The following IKZF3 variants were observed in gnomAD, a reference collection of about 807,000 sequenced individuals.
IKZF3 encodes zinc finger protein Aiolos.
In IKZF3, 10 loss-of-function variants were observed where a neutral mutation model predicts 49.0. The observed-to-expected ratio is 0.20, with a 90% CI of 0.13 to 0.35. IKZF3 has a LOEUF of 0.35. Ranked by LOEUF, IKZF3 falls within the 10% of genes least tolerant of loss-of-function variation. IKZF3 has a pLI of 1.00. For synonymous variants in IKZF3, 209 were observed against 228.2 expected (o/e 0.92, Z 0.76); for missense variants, 498 against 664.8 (o/e 0.75, Z 2.76).
chr17:39,784,618 G>A lies in IKZF3; in HGVS notation c.709+3640C>T, dbSNP rs762275413. Among the ~76,000 whole-genome samples, 33 of 152,104 alleles carry A rather than the reference G, an allele frequency of 2.2e-4. 1 individual carries two copies. Among genetic ancestry groups the A allele is most frequent in the Admixed American group, 1.3e-4 (2 of 15,276 alleles). On this transcript the variant is annotated intron_variant, in intron 6 of 7. Transcript: ENST00000346872. Reference sequence around the variant, plus strand: ...GGGGTTTCAACATGTTGGCCAAGATGGTCTCCATCTCTTGACCTTGTGATC... The same window carrying A: ...GGGGTTTCAACATGTTGGCCAAGATAGTCTCCATCTCTTGACCTTGTGATC...
chr17:39,828,093 G>C (rs140658428), intron 3 of IKZF3, among the ~76,000 whole-genome samples: 41 of 152,278 alleles, frequency 2.7e-4, no homozygotes, highest in African/African-American at 9.4e-4. Context: ...ACCAGATGCA[G>C]TGGTTGCAAT....
At chr17:39,818,592 G>A (rs2061730553) in intron 3 of IKZF3, among the ~76,000 whole-genome samples, 1 of 152,180 alleles carries the variant, frequency 6.6e-6, no homozygotes, top group African/African-American at 2.4e-5. Context: ...CAGGAGTGGT[G>A]TAATCCTAGC....
intron 1 of IKZF3, among the ~76,000 whole-genome samples, chr17:39,850,689 T>TTA (rs979004912): frequency 1.8e-5 from 2 of 109,974 alleles, no homozygotes; most frequent in Admixed American, 1.8e-4. Flanking sequence ...TATACACATA[T>TTA]TATATATACA....
At chr17:39,813,057 G>A (rs765354408) in intron 3 of IKZF3, among the ~76,000 whole-genome samples, 18 of 151,784 alleles carry the variant, frequency 1.2e-4, no homozygotes, top group Non-Finnish European at 2.2e-4. Context: ...AGCCCAGTTC[G>A]CACCACTGCA....
At chr17:39,858,165 T>A (rs555819128) in intron 1 of IKZF3, among the ~76,000 whole-genome samples, 31 of 152,236 alleles carry the variant, frequency 2.0e-4, no homozygotes, top group Non-Finnish European at 3.5e-4. Flanking sequence ...ATTTTAAAAG[T>A]TTCCTTCATT....
chr17:39,857,455 G>T (rs1485970156), intron 1 of IKZF3, among the ~76,000 whole-genome samples: 1 of 152,114 alleles, frequency 6.6e-6, no homozygotes, highest in African/African-American at 2.4e-5. Flanking sequence ...GTGAAGAAAA[G>T]GTTTATAGTG....
At chr17:39,805,169 A>G (rs929749432) in intron 3 of IKZF3, among the ~76,000 whole-genome samples, 2 of 152,208 alleles carry the variant, frequency 1.3e-5, no homozygotes. Flanking sequence ...ATCAACATTT[A>G]GCACTGATAC....
At chr17:39,775,662 C>G (rs1283490145) in intron 7 of IKZF3, among the ~76,000 whole-genome samples, 1 of 152,172 alleles carries the variant, frequency 6.6e-6, no homozygotes. Flanking sequence ...CAGTGGCTCA[C>G]GCCTGTAATC....
chr17:39,810,633 A>C (rs76035022), intron 3 of IKZF3, among the ~76,000 whole-genome samples: 1 of 150,686 alleles, frequency 6.6e-6, no homozygotes, highest in Non-Finnish European at 1.5e-5. Flanking sequence ...AAAAAAAAAA[A>C]CCCAATAAAA....
chr17:39,774,073 C>G (rs2060513200), intron 7 of IKZF3, among the ~76,000 whole-genome samples: 1 of 152,138 alleles, frequency 6.6e-6, no homozygotes, highest in Non-Finnish European at 1.5e-5. Context: ...TCCAATCTGT[C>G]CCTCTTCCCC....
rs1165444594 is a variant in IKZF3, at chr17:39,781,052, C to T, written c.710-3285G>A. Among the ~76,000 whole-genome samples, 54 of 152,128 alleles carry T rather than the reference C, an allele frequency of 3.5e-4. 1 individual carries two copies. The highest frequency in any genetic ancestry group is 3.5e-3 in the Admixed American group (54 of 15,276). ...GCTTTTGGGCTAGTGCAAAAGTACTCGACTGACTCTGGCTGACCAGCAGTT... is the reference window on the plus strand; with the variant it reads ...GCTTTTGGGCTAGTGCAAAAGTACTTGACTGACTCTGGCTGACCAGCAGTT... On this transcript the variant is annotated intron_variant, in intron 6 of 7. Transcript: ENST00000346872.
At chr17:39,772,141 A>G (rs1002480004) in intron 7 of IKZF3, among the ~76,000 whole-genome samples, 49 of 152,154 alleles carry the variant, frequency 3.2e-4, no homozygotes, top group African/African-American at 1.2e-3. Context: ...ATTGTGGCTG[A>G]AGTAAAGGAC....
intron 5 of IKZF3, among the ~76,000 whole-genome samples, chr17:39,790,043 TGTAA>T (rs1379469761): frequency 2.6e-5 from 4 of 152,216 alleles, no homozygotes; most frequent in African/African-American, 9.7e-5. Flanking sequence ...GCTTGAAATA[TGTAA>T]GTAATAACTT....
intron 3 of IKZF3, among the ~76,000 whole-genome samples, chr17:39,826,539 T>C (rs1426171611): frequency 6.6e-6 from 1 of 152,214 alleles, no homozygotes; most frequent in Non-Finnish European, 1.5e-5. Context: ...AGCCTGGCCA[T>C]GTGGTAAGGC....
chr17:39,783,562 C>T (rs941709300), intron 6 of IKZF3, among the ~76,000 whole-genome samples: 3 of 152,168 alleles, frequency 2.0e-5, no homozygotes, highest in East Asian at 1.9e-4. Flanking sequence ...CCTCGCGATC[C>T]GCCCACCTCA....
chr17:39,840,202 C>T (rs1259189615), intron 1 of IKZF3, among the ~76,000 whole-genome samples: 1 of 152,226 alleles, frequency 6.6e-6, no homozygotes, highest in Admixed American at 6.5e-5. Flanking sequence ...TGTAACTCTA[C>T]ACATTAGTGG....
chr17:39,831,711 T>C (rs2062113521), intron 2 of IKZF3, among the ~76,000 whole-genome samples: 1 of 152,120 alleles, frequency 6.6e-6, no homozygotes, highest in South Asian at 2.1e-4. Context: ...GCCTGCAAAG[T>C]CTAAATATTT....
chr17:39,856,419 C>T (rs779726967), intron 1 of IKZF3, among the ~76,000 whole-genome samples: 9 of 151,848 alleles, frequency 5.9e-5, no homozygotes, highest in Non-Finnish European at 1.0e-4. Context: ...GGTGGTGGCA[C>T]GTGCCACCAC....
chr17:39,798,994 T>C lies in IKZF3; in HGVS notation c.164-6061A>G, dbSNP rs78459014. ...AAGCTATACAGATTGTGTGTGTGTG[T>C]GCGTGTGTGTGTGTGTGTGTGTGTG... On this transcript the variant is annotated intron_variant, in intron 3 of 7. Coordinates refer to ENST00000346872, the MANE Select transcript of IKZF3 (RefSeq NM_012481.5). Among the ~76,000 whole-genome samples the C allele has an allele frequency of 6.1e-5, 3 of 48,990 alleles. No homozygotes were observed. The East Asian group carries it at 2.4e-3, about 39-fold the overall frequency. 32.1% of individuals were successfully genotyped at this position (48,990 alleles called of 152,430 possible).
Sources: allele counts gnomAD v4.1 joint callset (sites outside exome capture counted in the v4.1 genomes callset), GRCh38; gene constraint gnomAD v4.1.1; transcripts MANE v1.5; gene names NCBI Gene and HGNC (gene_info 2026-07-23, HGNC 2026-07-21).